The following DNAJB6 variants were observed in gnomAD, a reference collection of about 807,000 sequenced individuals.
The protein encoded by DNAJB6 is DnaJ heat shock protein family (Hsp40) member B6, also known as dnaJ homolog subfamily B member 6.
Under a neutral mutation model 42.7 loss-of-function variants are expected in DNAJB6, and 16 were observed. The ratio of observed to expected loss-of-function variants is 0.37; its 90% CI spans 0.25 to 0.57. DNAJB6 has a LOEUF of 0.57. DNAJB6 is among the 20% of genes least tolerant of loss of function. The pLI is 0.74. For synonymous variants in DNAJB6, 170 were observed against 163.5 expected (o/e 1.04, Z -0.30); for missense variants, 347 against 416.8 (o/e 0.83, Z 1.46).
At chr7:157,344,385 C>T (rs762132949) in intron 1 of DNAJB6, among the ~76,000 whole-genome samples, 4 of 151,414 alleles carry the variant, frequency 2.6e-5, no homozygotes, top group African/African-American at 7.3e-5. Context: ...TTGTGGGACA[C>T]ACCTGTAGTC....
chr7:157,403,122 G>A (rs1275548226), intron 8 of DNAJB6, among the ~76,000 whole-genome samples: 3 of 152,184 alleles, frequency 2.0e-5, no homozygotes, highest in East Asian at 1.9e-4. Flanking sequence ...ACGTGGGGTC[G>A]GGGGCTTCCG....
chr7:157,397,695 C>T (rs1045024413), intron 8 of DNAJB6, among the ~76,000 whole-genome samples: 1 of 152,274 alleles, frequency 6.6e-6, no homozygotes, highest in East Asian at 1.9e-4. Flanking sequence ...AACCGACCTT[C>T]ACGTCTTCAT....
intron 1 of DNAJB6, among the ~76,000 whole-genome samples, chr7:157,352,873 C>T (rs1390971081): frequency 2.6e-5 from 4 of 152,046 alleles, no homozygotes; most frequent in Non-Finnish European, 4.4e-5. Context: ...CGATAAACAC[C>T]CAGTTCCACT....
chr7:157,342,947 T>G (rs1239007394), intron 1 of DNAJB6, among the ~76,000 whole-genome samples: 1 of 97,576 alleles, frequency 1.0e-5, no homozygotes, highest in Non-Finnish European at 2.2e-5. Context: ...TTCACTGCTG[T>G]GGGTTTTTTT....
intron 2 of DNAJB6, among the ~76,000 whole-genome samples, chr7:157,360,367 C>T (rs1036350398): frequency 2.0e-5 from 3 of 152,218 alleles, no homozygotes; most frequent in African/African-American, 4.8e-5. Context: ...GGGTCCCTCG[C>T]ATAACACCTG....
At chr7:157,382,525 A>G in intron 6 of DNAJB6, 148 bp downstream of exon 6, 2 of 707,730 alleles carry the variant, frequency 2.8e-6, no homozygotes, top group Non-Finnish European at 4.1e-6. Context: ...TTTGGTATAC[A>G]GGTCTGCGCT....
intron 1 of DNAJB6, among the ~76,000 whole-genome samples, chr7:157,342,534 G>T (rs1229847699): frequency 6.6e-6 from 1 of 151,798 alleles, no homozygotes; most frequent in African/African-American, 2.4e-5. Flanking sequence ...ACAGGGTTTT[G>T]CCCTGTCCAA....
rs946600853 is a variant in DNAJB6 at position 157,416,276 on chromosome 7, G to T, written c.*178G>T. ...GCAGGGTCAGGAGACGGGGCTGACG[G>T]CACGGGTGGCGGGGACAGACGTTTG... On this transcript the variant is annotated 3_prime_UTR_variant, in exon 10 of 10. Coordinates refer to ENST00000262177, the MANE Select transcript of DNAJB6 (RefSeq NM_058246.4). The T allele has an allele frequency of 1.2e-5, 11 of 956,194 alleles. No homozygotes were observed. Among genetic ancestry groups the T allele is most frequent in the Non-Finnish European group, 1.7e-5 (11 of 659,630 alleles). The allele number at this position is 956,194 out of a possible 1,614,324, so 59.2% of individuals were successfully genotyped here.
intron 1 of DNAJB6, among the ~76,000 whole-genome samples, chr7:157,343,166 T>A (rs2116858892): frequency 6.6e-6 from 1 of 151,776 alleles, no homozygotes; most frequent in Non-Finnish European, 1.5e-5. Flanking sequence ...CAGGTAATTT[T>A]TTTTTTTTTT....
At chr7:157,388,409 G>A (rs1288076886) in intron 8 of DNAJB6, among the ~76,000 whole-genome samples, 1 of 152,080 alleles carries the variant, frequency 6.6e-6, no homozygotes, top group Admixed American at 6.5e-5. Flanking sequence ...TACAGTTTTT[G>A]GTAAATTCAA....
chr7:157,364,783 G>T (rs1799765483), intron 3 of DNAJB6, among the ~76,000 whole-genome samples: 1 of 152,206 alleles, frequency 6.6e-6, no homozygotes, highest in African/African-American at 2.4e-5. Flanking sequence ...GTTCTTTTGG[G>T]AGGTGTATGA....
chr7:157,344,157 G>T (rs1473970048), intron 1 of DNAJB6, among the ~76,000 whole-genome samples: 1 of 152,160 alleles, frequency 6.6e-6, no homozygotes, highest in Admixed American at 6.6e-5. Flanking sequence ...TGGCTAGCAT[G>T]GTGAAACCCC....
At chr7:157,367,594 C>T (rs556979439) in intron 5 of DNAJB6, 111 bp downstream of exon 5, 116 of 733,996 alleles carry the variant, frequency 1.6e-4, no homozygotes, top group Non-Finnish European at 2.7e-4. Context: ...GGCGCGGTGG[C>T]TCATGCCTGT....
chr7:157,397,657 C>T (rs1801657615), intron 8 of DNAJB6, among the ~76,000 whole-genome samples: 1 of 152,248 alleles, frequency 6.6e-6, no homozygotes, highest in Admixed American at 6.5e-5. Context: ...TGCCGTCAGC[C>T]AGTGCGCTCT....
At position 157,368,837 on chromosome 7, in the gene DNAJB6, C is replaced by G. The variant is rs115184632; in HGVS notation, c.346+1354C>G. On this transcript the variant is annotated intron_variant, in intron 5 of 9. Transcript: ENST00000262177. ...AAGAAACTGAACACCACCTGCAACT[C>G]GAGGAGGGAAAGAGAAGAGTAGTTG... 326 of 166,788 alleles carry G rather than the reference C, an allele frequency of 2.0e-3. 2 individuals carry two copies. Among genetic ancestry groups the G allele is most frequent in the African/African-American group, 7.4e-3 (308 of 41,650 alleles). The allele number at this position is 166,788 out of a possible 1,614,324, so 10.3% of individuals were successfully genotyped here. A position where few individuals can be genotyped will look rare whatever the true frequency, so the allele number is the denominator to read the frequency against.
At chr7:157,373,880 C>T (rs1800340934) in intron 5 of DNAJB6, among the ~76,000 whole-genome samples, 1 of 152,128 alleles carries the variant, frequency 6.6e-6, no homozygotes, top group Non-Finnish European at 1.5e-5. Context: ...TTTAAATACA[C>T]ATAAAAACAT....
At chr7:157,392,099 C>CAAAAAAAAAAA (rs57861175) in intron 8 of DNAJB6, among the ~76,000 whole-genome samples, 2 of 112,260 alleles carry the variant, frequency 1.8e-5, no homozygotes, top group Non-Finnish European at 1.8e-5. Context: ...GACCCTGTCT[C>CAAAAAAAAAAA]AAAAAAAAAA....
At chr7:157,398,308 G>C (rs1801693072) in intron 8 of DNAJB6, among the ~76,000 whole-genome samples, 1 of 152,210 alleles carries the variant, frequency 6.6e-6, no homozygotes, top group South Asian at 2.1e-4. Context: ...TTGGTTGTTT[G>C]AATAATCTGC....
At chr7:157,397,170 C>A (rs193193566) in intron 8 of DNAJB6, among the ~76,000 whole-genome samples, 56 of 152,328 alleles carry the variant, frequency 3.7e-4, no homozygotes, top group African/African-American at 1.3e-3. Flanking sequence ...TCTGTAGCTA[C>A]CCCTTGAGGA....
Sources: allele counts gnomAD v4.1 joint callset (sites outside exome capture counted in the v4.1 genomes callset), GRCh38; gene constraint gnomAD v4.1.1; transcripts MANE v1.5; gene names NCBI Gene and HGNC (gene_info 2026-07-23, HGNC 2026-07-21).